Variants in LGR5 observed in about 807,000 individuals in gnomAD.
LGR5 encodes leucine-rich repeat-containing G protein-coupled receptor 5.
In LGR5, 54 loss-of-function variants were observed where a neutral mutation model predicts 76.7. The ratio of observed to expected loss-of-function variants is 0.70; its 90% confidence interval spans 0.57 to 0.88. The LOEUF (loss-of-function observed/expected upper bound fraction) is 0.88, where lower values mean the gene tolerates loss of function less well. Among genes scored for constraint, LGR5 ranks in the 40% least tolerant of loss-of-function variants. The probability of loss-of-function intolerance (pLI) is 0.00; values close to 1 mark genes in which losing one functional copy is unlikely to be tolerated. For missense variants in LGR5, 1,078 were observed against 1,073.3 expected, an observed-to-expected ratio of 1.00 and a Z score of -0.06; for synonymous variants, 406 against 421.9, an observed-to-expected ratio of 0.96 and a Z score of 0.46.
Position 71,440,059 on chromosome 12 carries a change from G to GT in LGR5, c.-21dup. The GT allele has an allele frequency of 6.3e-7, 1 of 1,597,004 alleles. No homozygotes were observed. The highest frequency in any genetic ancestry group is 1.3e-5 in the African/African-American group (1 of 74,942). ...GCTGCTCTCCGCCCGCGTCCGGCTC[G>GT]TGGCCCCCTACTTCGGGCACCATGG... On this transcript the variant is annotated 5_prime_UTR_variant, in exon 1 of 18. Transcript: ENST00000266674. This position sits in a 1 kb window ranked among gnomAD's most constrained non-coding sequence, Gnocchi z 5.3.
chr12:71,523,559 CT>C (rs1358247296), intron 2 of LGR5, among the ~76,000 whole-genome samples: 2 of 152,180 alleles, frequency 1.3e-5, no homozygotes, highest in African/African-American at 4.8e-5. Flanking sequence ...ATATGATCAG[CT>C]CCTCAAAATA....
chr12:71,455,593 T>C (rs1872438586), intron 1 of LGR5, among the ~76,000 whole-genome samples: 1 of 152,150 alleles, frequency 6.6e-6, no homozygotes, highest in Admixed American at 6.6e-5. Context: ...AAGCAGACCT[T>C]CTTTCTGCCT....
Position 71,542,126 on chromosome 12 carries a change from C to T in LGR5, c.428+6940C>T, listed in dbSNP as rs563363211. ...CTCTGTGCATTTAGTTGTCTGGTCCCTCACTACCTATGAGGTAGAAACTGT... is the reference window on the plus strand; with the variant it reads ...CTCTGTGCATTTAGTTGTCTGGTCCTTCACTACCTATGAGGTAGAAACTGT... On this transcript the variant is annotated intron_variant, in intron 4 of 17. Coordinates refer to ENST00000266674, the MANE Select transcript of LGR5 (RefSeq NM_003667.4). Among the ~76,000 whole-genome samples, 75 of 152,300 alleles carry T rather than the reference C, an allele frequency of 4.9e-4. 1 individual carries two copies. Among genetic ancestry groups the T allele is most frequent in the Admixed American group, 1.9e-3 (29 of 15,282 alleles).
rs1192813413 is a variant in LGR5 at position 71,439,822 on chromosome 12, C to G, written c.-259C>G. 7 of 482,400 alleles carry G rather than the reference C, an allele frequency of 1.5e-5. No homozygotes were observed. Among genetic ancestry groups the G allele is most frequent in the South Asian group, 6.1e-5 (2 of 32,692 alleles). The allele number at this position is 482,400 out of a possible 1,614,324, so 29.9% of individuals were successfully genotyped here. A position where few individuals can be genotyped will look rare whatever the true frequency, so the allele number is the denominator to read the frequency against. On this transcript the variant is annotated 5_prime_UTR_variant, in exon 1 of 18. Coordinates refer to ENST00000266674, the MANE Select transcript of LGR5 (RefSeq NM_003667.4). ...TGCTCCACACCGCTCAGGCCGCGAG[C>G]AGCAGCAAGGCGCACCGCCACTGTC...
chr12:71,518,650 A>G (rs1440427540), intron 2 of LGR5, among the ~76,000 whole-genome samples: 1 of 152,242 alleles, frequency 6.6e-6, no homozygotes, highest in African/African-American at 2.4e-5. Flanking sequence ...CATACACACC[A>G]TGGAATATTA....
At chr12:71,453,359 C>T (rs1013094257) in intron 1 of LGR5, among the ~76,000 whole-genome samples, 2 of 152,056 alleles carry the variant, frequency 1.3e-5, no homozygotes, top group African/African-American at 4.8e-5. Flanking sequence ...CACTTTGTCA[C>T]AGAGAGTAGG....
chr12:71,482,013 T>A (rs66888341), intron 1 of LGR5, among the ~76,000 whole-genome samples: 13,641 of 152,172 alleles, frequency 0.09, 654 homozygotes, highest in Non-Finnish European at 0.11. Flanking sequence ...TATAAAGTAA[T>A]GAAATTATCT....
rs1214035561 is a variant in LGR5, at chr12:71,493,785, TC to T, written c.213-10828del. Among the ~76,000 whole-genome samples, 123 of 148,914 alleles carry T rather than the reference TC, an allele frequency of 8.3e-4. 3 individuals carry two copies. The highest frequency in any genetic ancestry group is 2.9e-3 in the African/African-American group (112 of 39,240). The stretch of plus-strand genomic sequence containing the variant: ...AGTAAATAAGCTTTTTTTTTTTTTT[TC>T]GAGACAGGGTCATGCTCTGTCGCCT... On this transcript the variant is annotated intron_variant, in intron 1 of 17. Transcript: ENST00000266674.
At chr12:71,572,769 C>G in intron 12 of LGR5, 81 bp from the exon 13 acceptor site, 1 of 972,284 alleles carries the variant, frequency 1.0e-6, no homozygotes, top group Non-Finnish European at 1.6e-6. Context: ...GGCAGGTAGT[C>G]CCTCTATAAA....
chr12:71,568,436 T>A (rs1852006542), intron 11 of LGR5, among the ~76,000 whole-genome samples: 1 of 152,218 alleles, frequency 6.6e-6, no homozygotes, highest in Non-Finnish European at 1.5e-5. Flanking sequence ...CAGCAGCACC[T>A]GGGACACTGT....
intron 4 of LGR5, among the ~76,000 whole-genome samples, chr12:71,540,728 T>A (rs568083654): frequency 1.3e-5 from 2 of 152,228 alleles, no homozygotes; most frequent in East Asian, 3.9e-4. Flanking sequence ...TTTTCTCCCA[T>A]TAATATCCAG....
intron 1 of LGR5, among the ~76,000 whole-genome samples, chr12:71,498,068 A>G (rs1874415850): frequency 6.6e-6 from 1 of 152,170 alleles, no homozygotes; most frequent in South Asian, 2.1e-4. Context: ...GCAGAAGGAA[A>G]AAGAGGAGGA....
intron 3 of LGR5, among the ~76,000 whole-genome samples, chr12:71,528,116 G>C (rs924676403): frequency 1.3e-5 from 2 of 152,104 alleles, no homozygotes; most frequent in Admixed American, 1.3e-4. Flanking sequence ...TATACATCCT[G>C]TCTATTCCTG....
At chr12:71,494,156 C>A (rs1264207490) in intron 1 of LGR5, among the ~76,000 whole-genome samples, 1 of 150,724 alleles carries the variant, frequency 6.6e-6, no homozygotes, top group Non-Finnish European at 1.5e-5. Context: ...CCGTGTTAGC[C>A]AGGATGGTCT....
rs1447272917 is a variant in LGR5 at position 71,572,878 on chromosome 12, A to T, written c.1165A>T (p.Ile389Phe). The change falls in exon 13 of 18, where the codon ATT becomes TTT. Residue 389 changes from isoleucine (I) to phenylalanine (F), a missense_variant. By Grantham distance (21) the Ile-to-Phe change is conservative. Coordinates refer to ENST00000266674, the MANE Select transcript of LGR5 (RefSeq NM_003667.4). ...CCTAAGACATAATGAAATCTACGAA[A>T]TTAAAGTTGACACTTTCCAGCAGTT... ...IDLRHNEIYE[I>F]KVDTFQQLLS... 7 of 1,613,896 alleles carry T rather than the reference A, an allele frequency of 4.3e-6. No homozygotes were observed. The Admixed American group carries it at 1.0e-4, about 23-fold the overall frequency.
intron 1 of LGR5, among the ~76,000 whole-genome samples, chr12:71,475,964 C>T (rs1182653242): frequency 6.6e-6 from 1 of 152,150 alleles, no homozygotes; most frequent in African/African-American, 2.4e-5. Flanking sequence ...CTTGGAGATT[C>T]TAACAGGATA....
At chr12:71,514,957 G>T (rs1012104139) in intron 2 of LGR5, among the ~76,000 whole-genome samples, 6 of 152,144 alleles carry the variant, frequency 3.9e-5, no homozygotes, top group Admixed American at 2.6e-4. Flanking sequence ...GAAATGTCAT[G>T]ATTCTTATAT....
At chr12:71,573,856 C>T (rs895542257) in intron 13 of LGR5, among the ~76,000 whole-genome samples, 14 of 150,698 alleles carry the variant, frequency 9.3e-5, no homozygotes, top group African/African-American at 2.9e-4. Flanking sequence ...TTCTGAATTT[C>T]GTTGTGTTGC....
At chr12:71,445,484 T>C (rs966507961) in intron 1 of LGR5, among the ~76,000 whole-genome samples, 2 of 152,226 alleles carry the variant, frequency 1.3e-5, no homozygotes, top group African/African-American at 4.8e-5. Flanking sequence ...TTAACCATTG[T>C]AAATAACCAA....
Sources: gnomAD v4.1 joint callset for allele counts (sites outside exome capture counted in the v4.1 genomes callset) on GRCh38, gnomAD v4.1.1 for gene constraint, Gnocchi (gnomAD v3.1) non-coding constraint, MANE v1.5 for transcripts, NCBI Gene and HGNC (gene_info 2026-07-23, HGNC 2026-07-21) for gene names.